The following SETD2 variants were observed in gnomAD, a reference collection of about 807,000 sequenced individuals.
SETD2 encodes the protein histone-lysine N-methyltransferase SETD2.
A neutral mutation model predicts 242.1 loss-of-function variants in SETD2; 31 were observed. That is an observed-to-expected ratio of 0.13 (90% CI 0.10 to 0.17). The LOEUF (loss-of-function observed/expected upper bound fraction) is 0.17, where lower values mean the gene tolerates loss of function less well. Ranked by LOEUF, SETD2 falls within the 10% of genes least tolerant of loss-of-function variation. SETD2 has a pLI of 1.00. For synonymous variants in SETD2, 1,006 were observed against 1,066.5 expected (o/e 0.94, Z 1.11); for missense variants, 2,481 against 3,046.3 (o/e 0.81, Z 4.37).
At position 47,164,106 on chromosome 3, in the gene SETD2, C is replaced by T. The variant is rs1697598086; in HGVS notation, c.-182G>A. 9.3e-7 allele frequency: 1 copy of T among 1,078,192 alleles called. No homozygotes were observed. Among genetic ancestry groups the T allele is most frequent in the Non-Finnish European group, 1.2e-6 (1 of 855,810 alleles). The allele number at this position is 1,078,192 out of a possible 1,614,324, so 66.8% of individuals were successfully genotyped here. A position where few individuals can be genotyped will look rare whatever the true frequency, so the allele number is the denominator to read the frequency against. On this transcript the variant is annotated 5_prime_UTR_variant, in exon 1 of 21. Transcript: ENST00000409792. The surrounding 1 kb of genome is among the most constrained non-coding windows in gnomAD (Gnocchi z 5.4). ...CTCCCTCCCTCGGACGCCCGCCAGC[C>T]GCTCTCTCCCTCTCACCCTCACACC...
intron 5 of SETD2, among the ~76,000 whole-genome samples, chr3:47,106,950 C>T (rs1036052215): frequency 3.3e-5 from 5 of 152,124 alleles, no homozygotes; most frequent in Non-Finnish European, 4.4e-5. Context: ...TTCTCTTTGA[C>T]GTCTCTTTAG....
chr3:47,111,502 C>T (rs4683320), intron 5 of SETD2, among the ~76,000 whole-genome samples: 84,817 of 151,838 alleles, frequency 0.56, 23,856 homozygotes, highest in Non-Finnish European at 0.58. Context: ...CCTGGGAGGT[C>T]GACACTGCAG....
chr3:47,041,656 GAC>G (rs756131656), intron 17 of SETD2, among the ~76,000 whole-genome samples: 7 of 151,520 alleles, frequency 4.6e-5, no homozygotes, highest in African/African-American at 1.2e-4. Flanking sequence ...CACACACAGA[GAC>G]ACACACACAC....
In SETD2 at chr3:47,046,566, T is replaced by C; in HGVS notation, c.7019A>G (p.His2340Arg). Residue 2340 changes from histidine (H) to arginine (R), a missense_variant, in exon 16 of 21, where the codon CAT becomes CGT. By Grantham distance (29) the His-to-Arg change is conservative. This residue lies in a region of SETD2 where 235 missense variants were observed against 293.9 expected (regional missense o/e 0.80). Coordinates refer to ENST00000409792, the MANE Select transcript of SETD2 (RefSeq NM_014159.7). The part of the protein sequence containing the change: ...YIQGQQIFTA[H>R]PQGVVVQPAA... ...TGGCTGTACCACCACTCCTTGTGGATGAGCTGTGAAAATCTGTTGCCCCTG... is the reference window on the plus strand; with the variant it reads ...TGGCTGTACCACCACTCCTTGTGGACGAGCTGTGAAAATCTGTTGCCCCTG... 1 of 1,611,550 alleles carries C rather than the reference T, an allele frequency of 6.2e-7. No homozygotes were observed. The highest frequency in any genetic ancestry group is 1.1e-5 in the South Asian group (1 of 90,970).
chr3:47,048,165 G>A (rs1290063977), intron 15 of SETD2, among the ~76,000 whole-genome samples: 2 of 152,142 alleles, frequency 1.3e-5, no homozygotes, highest in Non-Finnish European at 2.9e-5. Flanking sequence ...CAAAGTGGGC[G>A]GATCACGAGG....
intron 3 of SETD2, among the ~76,000 whole-genome samples, chr3:47,117,869 T>G (rs1305817999): frequency 1.3e-5 from 2 of 152,136 alleles, no homozygotes; most frequent in Non-Finnish European, 2.9e-5. Flanking sequence ...GAACTAGTCT[T>G]TTACCCTGGT....
At chr3:47,053,631 GTATAT>G (rs753003906) in intron 15 of SETD2, among the ~76,000 whole-genome samples, 3 of 152,170 alleles carry the variant, frequency 2.0e-5, no homozygotes, top group Non-Finnish European at 2.9e-5. Context: ...AGACGTAAAT[GTATAT>G]TATATCATGT....
intron 1 of SETD2, among the ~76,000 whole-genome samples, chr3:47,132,295 G>A (rs1264038175): frequency 6.6e-6 from 1 of 151,980 alleles, no homozygotes; most frequent in African/African-American, 2.4e-5. Flanking sequence ...ACTGCACCGG[G>A]CTAATATTTT....
At chr3:47,132,417 G>A (rs2043500217) in intron 1 of SETD2, among the ~76,000 whole-genome samples, 1 of 152,128 alleles carries the variant, frequency 6.6e-6, no homozygotes, top group Non-Finnish European at 1.5e-5. Flanking sequence ...AGCCCAGGAG[G>A]TGGAAGTTAC....
chr3:47,120,331 C>A lies in SETD2; in HGVS notation c.4305G>T (p.Glu1435Asp), dbSNP rs970305479. Residue 1435 changes from glutamate to aspartate, a missense_variant, in exon 3 of 21, where the codon GAG (glutamate) becomes GAT (aspartate). Around this residue, in one of 17 missense-constraint regions of SETD2, gnomAD observed 1,300 missense variants for 1,259.2 expected, o/e 1.03. Coordinates refer to ENST00000409792, the MANE Select transcript of SETD2 (RefSeq NM_014159.7). ...KKVRVEVEQGETSVPPGSALV... is the reference protein window; with the variant it reads ...KKVRVEVEQGDTSVPPGSALV... ...GTGCTGAACCTGGGGGCACTGATGT[C>A]TCTCCCTGCTCTACCTCCACTCTAA... 19 of 1,613,828 alleles carry A rather than the reference C, an allele frequency of 1.2e-5. No homozygotes were observed. Among genetic ancestry groups the A allele is most frequent in the Non-Finnish European group, 1.4e-5 (17 of 1,179,904 alleles).
intron 5 of SETD2, among the ~76,000 whole-genome samples, chr3:47,107,730 TGG>T (rs1217074463): frequency 3.5e-5 from 1 of 28,948 alleles, no homozygotes; most frequent in Non-Finnish European, 1.4e-4. Context: ...CGGGGGGGGG[TGG>T]GGGGGGGGTG....
In SETD2 at chr3:47,101,951, T is replaced by C. The variant is rs766260657; in HGVS notation, c.4918-396A>G. ...ACTGAGTATCAAAGGCAAGTCTATA[T>C]TAACATATGTTAAAAGTAACCATGT... On this transcript the variant is annotated intron_variant, in intron 7 of 20. Coordinates refer to ENST00000409792, the MANE Select transcript of SETD2 (RefSeq NM_014159.7). Among the ~76,000 whole-genome samples the C allele has an allele frequency of 7.9e-5, 12 of 152,212 alleles. 1 individual carries two copies. The highest frequency in any genetic ancestry group is 4.4e-5 in the Non-Finnish European group (3 of 68,044).
rs370169232 is a variant in SETD2, at chr3:47,125,756, T to C, written c.87+892A>G. On this transcript the variant is annotated intron_variant, in intron 2 of 20. Transcript: ENST00000409792. Reference sequence around the variant, plus strand: ...ATGTTTGCCAAATCACCAAAGGAAATGGTTAGCCTTGGAAGTTCAAGGCAT... The same window carrying C: ...ATGTTTGCCAAATCACCAAAGGAAACGGTTAGCCTTGGAAGTTCAAGGCAT... Among the ~76,000 whole-genome samples, 12 of 152,288 alleles carry C rather than the reference T, an allele frequency of 7.9e-5. No homozygotes were observed. In the South Asian group the frequency reaches 1.5e-3, roughly 18 times the overall value.
chr3:47,088,390 A>G, intron 9 of SETD2, 143 bp from the exon 10 acceptor site: 1 of 702,082 alleles, frequency 1.4e-6, no homozygotes, highest in Non-Finnish European at 2.3e-6. Context: ...ACTGGGGGAA[A>G]AAGTTAAGAA....
intron 1 of SETD2, among the ~76,000 whole-genome samples, chr3:47,150,327 C>T (rs779756386): frequency 6.6e-6 from 1 of 152,008 alleles, no homozygotes; most frequent in African/African-American, 2.4e-5. Context: ...AATGAGCCAC[C>T]GTGCGCGGCC....
intron 9 of SETD2, among the ~76,000 whole-genome samples, chr3:47,094,356 A>G (rs897668704): frequency 2.6e-5 from 4 of 152,250 alleles, no homozygotes; most frequent in African/African-American, 7.2e-5. Flanking sequence ...AGATGCAATC[A>G]TAAGAACAAG....
chr3:47,061,890 C>T (rs755208816), intron 14 of SETD2, among the ~76,000 whole-genome samples: 1 of 152,110 alleles, frequency 6.6e-6, no homozygotes, highest in African/African-American at 2.4e-5. Context: ...CCATTGCGCT[C>T]GAAAGAACAA....
intron 14 of SETD2, among the ~76,000 whole-genome samples, chr3:47,058,644 T>TACGACA (rs2040191828): frequency 6.6e-6 from 1 of 150,534 alleles, no homozygotes; most frequent in African/African-American, 2.5e-5. Flanking sequence ...TAAAATGCAA[T>TACGACA]ACGACAAGTG....
rs955273724 is a variant in SETD2, at chr3:47,124,803, G to C, written c.88-255C>G. ...CTATTTTCCCCATTCTTACTTTCTC[G>C]TACATAAATAACTTTTTTCAGTTTT... On this transcript the variant is annotated intron_variant, in intron 2 of 20. Coordinates refer to ENST00000409792, the MANE Select transcript of SETD2 (RefSeq NM_014159.7). Among the ~76,000 whole-genome samples, 4 of 151,894 alleles carry C rather than the reference G, an allele frequency of 2.6e-5. No individual in the cohort carries two copies. The East Asian group carries it at 7.7e-4, about 29-fold the overall frequency.
Sources: allele counts gnomAD v4.1 joint callset (sites outside exome capture counted in the v4.1 genomes callset), GRCh38; gene constraint gnomAD v4.1.1; regional missense constraint gnomAD v4.1.1; non-coding constraint Gnocchi (gnomAD v3.1); transcripts MANE v1.5; gene names NCBI Gene and HGNC (gene_info 2026-07-23, HGNC 2026-07-21).